The following ZNF438 variants were observed in gnomAD, a reference collection of about 807,000 sequenced individuals.
The protein encoded by ZNF438 is zinc finger protein 438.
A neutral mutation model predicts 38.0 loss-of-function variants in ZNF438; 25 were observed. The observed-to-expected ratio is 0.66, with a 90% CI of 0.48 to 0.92. The LOEUF (loss-of-function observed/expected upper bound fraction) is 0.92. Ranked by LOEUF, ZNF438 falls within the 40% of genes least tolerant of loss-of-function variation. The pLI is 0.00. For synonymous variants in ZNF438, 372 were observed against 364.1 expected (o/e 1.02, Z -0.25); for missense variants, 1,007 against 999.6 (o/e 1.01, Z -0.10).
chr10:30,849,423 T>C (rs200700899), exon 5 of ZNF438: 5 of 1,614,128 alleles, frequency 3.1e-6, no homozygotes, highest in Non-Finnish European at 4.2e-6. Flanking sequence ...GAGGGTATCT[T>C]ATCACAGTCG....
intron 2 of ZNF438, among the ~76,000 whole-genome samples, chr10:30,940,032 G>A (rs756409701): frequency 3.3e-5 from 5 of 152,156 alleles, no homozygotes; most frequent in Non-Finnish European, 7.4e-5. Context: ...CTTGTTAACT[G>A]CACTAAGGTC....
intron 4 of ZNF438, among the ~76,000 whole-genome samples, chr10:30,854,034 T>C (rs963311841): frequency 5.9e-5 from 9 of 151,936 alleles, no homozygotes; most frequent in Non-Finnish European, 1.0e-4. Context: ...AAGTATCACA[T>C]ATAGGCCGGG....
At chr10:30,894,949 G>C (rs113679532) in intron 3 of ZNF438, among the ~76,000 whole-genome samples, 31 of 152,294 alleles carry the variant, frequency 2.0e-4, no homozygotes, top group African/African-American at 7.0e-4. Flanking sequence ...TATTTGAAGA[G>C]CATCTTTATT....
intron 4 of ZNF438, among the ~76,000 whole-genome samples, chr10:30,866,662 T>G (rs2036477631): frequency 6.6e-6 from 1 of 151,908 alleles, no homozygotes; most frequent in Non-Finnish European, 1.5e-5. Context: ...GTGAAACCCC[T>G]CCTCTACTAA....
chr10:30,879,171 G>C (rs2038883266), intron 3 of ZNF438, among the ~76,000 whole-genome samples: 1 of 152,180 alleles, frequency 6.6e-6, no homozygotes, highest in Non-Finnish European at 1.5e-5. Flanking sequence ...GTACACTACA[G>C]TCACAGAAGA....
At chr10:30,952,448 A>T (rs2048325967) in intron 1 of ZNF438, among the ~76,000 whole-genome samples, 1 of 152,196 alleles carries the variant, frequency 6.6e-6, no homozygotes, top group Admixed American at 6.5e-5. Context: ...AGAAACTACC[A>T]TCAGAGTGAA....
At chr10:30,983,992 T>C (rs1341825706) in intron 1 of ZNF438, among the ~76,000 whole-genome samples, 1 of 152,176 alleles carries the variant, frequency 6.6e-6, no homozygotes, top group Non-Finnish European at 1.5e-5. Flanking sequence ...ATAGACTTCA[T>C]TTATATTTCA....
At chr10:30,950,851 T>C (rs141458983) in intron 1 of ZNF438, among the ~76,000 whole-genome samples, 54,015 of 84,308 alleles carry the variant, frequency 0.64, 18,970 homozygotes, top group African/African-American at 0.8. Flanking sequence ...CCTTCTGAAA[T>C]TATTCCAATC....
At chr10:30,972,370 C>T (rs970137528) in intron 1 of ZNF438, among the ~76,000 whole-genome samples, 2 of 152,144 alleles carry the variant, frequency 1.3e-5, no homozygotes, top group Admixed American at 6.5e-5. Flanking sequence ...TGCTTCTGTG[C>T]TCTTGCTAAT....
intron 4 of ZNF438, among the ~76,000 whole-genome samples, chr10:30,861,544 A>C (rs2035581241): frequency 6.6e-6 from 1 of 152,252 alleles, no homozygotes; most frequent in Non-Finnish European, 1.5e-5. Flanking sequence ...GATAAACTGA[A>C]GTAACTAATT....
intron 3 of ZNF438, among the ~76,000 whole-genome samples, chr10:30,886,710 A>T (rs913085357): frequency 2.0e-5 from 3 of 152,242 alleles, no homozygotes; most frequent in Admixed American, 2.0e-4. Context: ...TACAGTTTCT[A>T]CTGAATGCAC....
intron 4 of ZNF438, among the ~76,000 whole-genome samples, chr10:30,874,491 T>A (rs1040983109): frequency 6.7e-6 from 1 of 149,318 alleles, no homozygotes; most frequent in African/African-American, 2.6e-5. Context: ...AATTAATACA[T>A]CTGATGCTTT....
At chr10:30,888,817 T>C (rs570971047) in intron 3 of ZNF438, among the ~76,000 whole-genome samples, 1 of 152,348 alleles carries the variant, frequency 6.6e-6, no homozygotes, top group African/African-American at 2.4e-5. Context: ...CTATTGTGAA[T>C]AGTGCTGCAA....
chr10:30,910,574 C>CG (rs1261421648), intron 2 of ZNF438: 2 of 150,416 alleles, frequency 1.3e-5, no homozygotes, highest in African/African-American at 2.5e-5. Context: ...GCATGAAGAA[C>CG]GGAGACACAA....
At chr10:30,914,102 T>G (rs948172315) in intron 2 of ZNF438, among the ~76,000 whole-genome samples, 1 of 152,094 alleles carries the variant, frequency 6.6e-6, no homozygotes, top group Non-Finnish European at 1.5e-5. Context: ...CACTTAGTAA[T>G]CGAAATGAAC....
intron 2 of ZNF438, among the ~76,000 whole-genome samples, chr10:30,928,849 C>T (rs371185572): frequency 1.3e-5 from 2 of 152,114 alleles, no homozygotes; most frequent in East Asian, 3.8e-4. Flanking sequence ...TTCAGCTGGT[C>T]CTTTCACAGA....
At chr10:30,909,874 T>A (rs555899208) in intron 2 of ZNF438, among the ~76,000 whole-genome samples, 51 of 152,344 alleles carry the variant, frequency 3.3e-4, no homozygotes, top group Non-Finnish European at 2.9e-5. Context: ...TGTTCCAGTT[T>A]TGAAGACCAT....
At chr10:31,015,239 A>G (rs1397912619) in intron 1 of ZNF438, among the ~76,000 whole-genome samples, 5 of 152,112 alleles carry the variant, frequency 3.3e-5, no homozygotes, top group Admixed American at 6.6e-5. Context: ...TGCCATTGTT[A>G]TTACTATTAT....
chr10:30,859,123 C>G (rs760546129), intron 4 of ZNF438, among the ~76,000 whole-genome samples: 2 of 152,216 alleles, frequency 1.3e-5, no homozygotes, highest in Non-Finnish European at 2.9e-5. Context: ...CTCTGTCACT[C>G]AGGCTGGACT....
Sources: allele counts gnomAD v4.1 joint callset (sites outside exome capture counted in the v4.1 genomes callset), GRCh38; gene constraint gnomAD v4.1.1; transcripts MANE v1.5; gene names NCBI Gene and HGNC (gene_info 2026-07-23, HGNC 2026-07-21).